PIGG: variants seen among roughly 807,000 people sequenced by gnomAD.
PIGG encodes the protein phosphatidylinositol glycan anchor biosynthesis class G (EMM blood group).
In PIGG, 70 loss-of-function variants were observed where a neutral mutation model predicts 83.2. The ratio of observed to expected loss-of-function variants is 0.84; its 90% CI spans 0.69 to 1.03. The LOEUF is 1.03. Among genes scored for constraint, PIGG ranks in the 50% least tolerant of loss-of-function variants. The pLI is 0.00. For missense variants in PIGG, 1,257 were observed against 1,233.6 expected, an observed-to-expected ratio of 1.02 and a Z score of -0.28; for synonymous variants, 532 against 519.5, an observed-to-expected ratio of 1.02 and a Z score of -0.33.
intron 6 of PIGG, among the ~76,000 whole-genome samples, chr4:520,672 T>C (rs1725552899): frequency 6.6e-6 from 1 of 152,166 alleles, no homozygotes; most frequent in Admixed American, 6.5e-5. Context: ...ATAATGCATT[T>C]CAGGATTGTT....
intron 10 of PIGG, among the ~76,000 whole-genome samples, chr4:529,536 G>T (rs1187640754): frequency 6.2e-5 from 9 of 144,776 alleles, no homozygotes. Context: ...TAAAAATTAC[G>T]ATTATTTTAA....
chr4:526,637 C>G (rs1359164242), intron 9 of PIGG, among the ~76,000 whole-genome samples: 2 of 151,930 alleles, frequency 1.3e-5, no homozygotes, highest in African/African-American at 4.8e-5. Flanking sequence ...TTCTATTTGT[C>G]ACCGCCTGGC....
chr4:507,710 C>A, intron 4 of PIGG, 117 bp downstream of exon 4: 1 of 886,624 alleles, frequency 1.1e-6, no homozygotes, highest in Non-Finnish European at 1.7e-6. Flanking sequence ...CATCAGTCTG[C>A]TAGCCAGGGG....
chr4:509,644 A>G (rs781841431), intron 5 of PIGG, among the ~76,000 whole-genome samples: 1 of 152,178 alleles, frequency 6.6e-6, no homozygotes, highest in Non-Finnish European at 1.5e-5. Flanking sequence ...CAGCACCCTT[A>G]GTGCTGCTGG....
At position 513,668 on chromosome 4, in the gene PIGG, G is replaced by A. The variant is rs532913226; in HGVS notation, c.902-2305G>A. Among the ~76,000 whole-genome samples, 9 of 152,354 alleles carry A rather than the reference G, an allele frequency of 5.9e-5. No individual in the cohort carries two copies. The South Asian group carries it at 1.9e-3, about 32-fold the overall frequency. On this transcript the variant is annotated intron_variant, in intron 5 of 12. Coordinates refer to ENST00000453061, the MANE Select transcript of PIGG (RefSeq NM_001127178.3). ...TGTTGAAGACTCAGCAGGCGAGCCAGTGGAGGTAGAGACCGGCGGTGAAAG... is the reference window on the plus strand; with the variant it reads ...TGTTGAAGACTCAGCAGGCGAGCCAATGGAGGTAGAGACCGGCGGTGAAAG...
chr4:530,497 A>G lies in PIGG; in HGVS notation c.2323A>G (p.Lys775Glu), dbSNP rs1320733857. ...CCTTGGCATTCTGTTCACGGGCACC[A>G]AAGACTTACTTAAATCTCAAGTCAT... ...FVLGILFTGT[K>E]DLLKSQVIAA... Residue 775 changes from lysine to glutamate, a missense_variant, in exon 11 of 13, where the codon AAA (lysine) becomes GAA (glutamate). Coordinates refer to ENST00000453061, the MANE Select transcript of PIGG (RefSeq NM_001127178.3). 2 of 1,613,762 alleles carry G rather than the reference A, an allele frequency of 1.2e-6. No homozygotes were observed. The highest frequency in any genetic ancestry group is 1.7e-6 in the Non-Finnish European group (2 of 1,179,730).
At chr4:534,410 C>T (rs945040401) in intron 12 of PIGG, among the ~76,000 whole-genome samples, 2 of 149,150 alleles carry the variant, frequency 1.3e-5, no homozygotes, top group Admixed American at 6.6e-5. Flanking sequence ...CCTGCTGGAG[C>T]GCGCAGGACC....
rs1294170424 is a variant in PIGG, at chr4:508,953, C to T, written c.884C>T (p.Ala295Val). ...VNTPLILISSAFERKPGDIRH... is the reference protein window; with the variant it reads ...VNTPLILISSVFERKPGDIRH... ...ACACCTCTGATTTTAATCAGTTCTGCGTTTGAAAGGAAACCCGGTGAGAAT... is the reference window on the plus strand; with the variant it reads ...ACACCTCTGATTTTAATCAGTTCTGTGTTTGAAAGGAAACCCGGTGAGAAT... The change falls in exon 5 of 13, where the codon GCG becomes GTG. Residue 295 changes from alanine to valine, a missense_variant. Ala to Val is a moderately conservative substitution (Grantham distance 64). Coordinates refer to ENST00000453061, the MANE Select transcript of PIGG (RefSeq NM_001127178.3). 25 of 1,611,866 alleles carry T rather than the reference C, an allele frequency of 1.6e-5. No individual in the cohort carries two copies. Among genetic ancestry groups the T allele is most frequent in the South Asian group, 2.2e-5 (2 of 90,612 alleles).
intron 11 of PIGG, 143 bp downstream of exon 11, chr4:530,888 A>G (rs1436614451): frequency 2.3e-5 from 15 of 650,916 alleles, no homozygotes; most frequent in Non-Finnish European, 3.5e-5. Flanking sequence ...CGTGTATTTT[A>G]TAAGACAAAG....
At chr4:526,889 G>T in intron 9 of PIGG, 150 bp from the exon 10 acceptor site, 1 of 916,774 alleles carries the variant, frequency 1.1e-6, no homozygotes. Flanking sequence ...AAGAACCTTT[G>T]TTTGAAAATA....
At chr4:500,677 G>T in intron 2 of PIGG, 76 bp downstream of exon 2, 2 of 921,728 alleles carry the variant, frequency 2.2e-6, no homozygotes, top group Non-Finnish European at 3.5e-6. Flanking sequence ...GTAGTCTTTC[G>T]CTTGGAGTTG....
chr4:533,438 T>G, intron 11 of PIGG: 2 of 190,652 alleles, frequency 1.0e-5, no homozygotes, highest in Non-Finnish European at 2.2e-5. Context: ...GCCCCTCGGA[T>G]GGGGGTCCTT....
chr4:534,068 C>A (rs886540869), intron 12 of PIGG, 87 bp downstream of exon 12: 5 of 1,154,808 alleles, frequency 4.3e-6, no homozygotes, highest in Non-Finnish European at 6.3e-6. Flanking sequence ...GCAAGGGGGT[C>A]TAAGCTCCAT....
chr4:528,272 C>G lies in PIGG; in HGVS notation c.2261+1042C>G. 2 of 981,678 alleles carry G rather than the reference C, an allele frequency of 2.0e-6. No individual in the cohort carries two copies. The highest frequency in any genetic ancestry group is 2.4e-6 in the Non-Finnish European group (2 of 826,620). 60.8% of individuals were successfully genotyped at this position (981,678 alleles called of 1,614,324 possible). A position where few individuals can be genotyped will look rare whatever the true frequency, so the allele number is the denominator to read the frequency against. On this transcript the variant is annotated intron_variant, in intron 10 of 12. Transcript: ENST00000453061. This position sits in a 1 kb window ranked among gnomAD's most constrained non-coding sequence, Gnocchi z 4.8. ...TATGAAAGACTACATACTTAAAATACTGGTGATTATATTTAGGACCTGAAA... is the reference window on the plus strand; with the variant it reads ...TATGAAAGACTACATACTTAAAATAGTGGTGATTATATTTAGGACCTGAAA...
intron 2 of PIGG, among the ~76,000 whole-genome samples, chr4:505,347 T>C (rs147658514): frequency 6.2e-4 from 93 of 150,254 alleles, no homozygotes; most frequent in African/African-American, 1.5e-3. Flanking sequence ...ATTACTGTCC[T>C]AACATTGACC....
intron 4 of PIGG, 32 bp downstream of exon 4, chr4:507,625 T>TG (rs1553880540): frequency 1.9e-6 from 3 of 1,572,988 alleles, no homozygotes; most frequent in Non-Finnish European, 2.6e-6. Flanking sequence ...TGTCTGCTGA[T>TG]GTGGTTTCAC....
At chr4:531,785 C>T (rs1282384446) in intron 11 of PIGG, 1 of 152,596 alleles carries the variant, frequency 6.6e-6, no homozygotes, top group Non-Finnish European at 1.5e-5. Context: ...CCCCTGTCCT[C>T]CTCGTACACA....
chr4:500,592 T>A lies in PIGG; in HGVS notation c.351T>A (p.Pro117=). ...CAAAGCCACCTACAGTTACTATGCC[T>A]CGAATCAAGGTAAGTTTGCCTTAAT... The part of the protein sequence containing the change: ...AEAKPPTVTM[P]RIKALMTGSL... The change falls in exon 2 of 13, where the codon CCT becomes CCA. Residue 117 remains proline (P), a synonymous_variant. Transcript: ENST00000453061. The A allele has an allele frequency of 6.3e-7, 1 of 1,598,724 alleles. No homozygotes were observed. Among genetic ancestry groups the A allele is most frequent in the Admixed American group, 1.7e-5 (1 of 60,006 alleles).
intron 3 of PIGG, among the ~76,000 whole-genome samples, chr4:506,161 T>C (rs1719607161): frequency 2.0e-5 from 3 of 152,094 alleles, no homozygotes; most frequent in South Asian, 4.2e-4. Flanking sequence ...TTAGAACAGC[T>C]GAGTGCCATT....
Sources: gnomAD v4.1 joint callset for allele counts (sites outside exome capture counted in the v4.1 genomes callset) on GRCh38, gnomAD v4.1.1 for gene constraint, Gnocchi (gnomAD v3.1) non-coding constraint, MANE v1.5 for transcripts, NCBI Gene and HGNC (gene_info 2026-07-23, HGNC 2026-07-21) for gene names.